The following CPED1 variants were observed in gnomAD, a reference collection of about 807,000 sequenced individuals.
CPED1 encodes cadherin-like and PC-esterase domain-containing protein 1.
Under a neutral mutation model 128.2 loss-of-function variants are expected in CPED1, and 114 were observed. The observed-to-expected ratio is 0.89, with a 90% CI of 0.76 to 1.04. The LOEUF (loss-of-function observed/expected upper bound fraction) is 1.04. Among genes scored for constraint, CPED1 ranks in the 50% least tolerant of loss-of-function variants. The pLI, the probability that CPED1 is intolerant of heterozygous loss-of-function variation, is 0.00. For missense variants in CPED1, 1,211 were observed against 1,207.1 expected (o/e 1.00, Z -0.05); for synonymous variants, 462 against 426.7 (o/e 1.08, Z -1.02).
intron 18 of CPED1, among the ~76,000 whole-genome samples, chr7:121,252,200 A>G (rs1479430291): frequency 1.3e-5 from 2 of 151,562 alleles, no homozygotes; most frequent in African/African-American, 4.9e-5. Flanking sequence ...CCTGACAAAA[A>G]CAAGCAATGG....
rs541458416 is a variant in CPED1 at position 121,169,916 on chromosome 7, G to A, written c.2055+27775G>A. Among the ~76,000 whole-genome samples, 32 of 152,164 alleles carry A rather than the reference G, an allele frequency of 2.1e-4. No homozygotes were observed. In the South Asian group the frequency reaches 6.2e-3, roughly 30 times the overall value. ...CATGGATGGCTCCAATAATGCAAATGGTTTAATCGATGTCTGTGGGAGGAA... is the reference window on the plus strand; with the variant it reads ...CATGGATGGCTCCAATAATGCAAATAGTTTAATCGATGTCTGTGGGAGGAA... On this transcript the variant is annotated intron_variant, in intron 16 of 22. Transcript: ENST00000310396.
At chr7:121,031,839 T>C (rs918506711) in intron 3 of CPED1, among the ~76,000 whole-genome samples, 39 of 152,210 alleles carry the variant, frequency 2.6e-4, no homozygotes, top group Non-Finnish European at 5.0e-4. Context: ...ACTATGTATA[T>C]ATGAATACAC....
At position 121,113,484 on chromosome 7, in the gene CPED1, T is replaced by C. The variant is rs578098711; in HGVS notation, c.919-10847T>C. ...GCTGGGCTTGGAAGAATGAGTAGGG[T>C]TTCTTTAAAAATGAAGAGGGATGTT... On this transcript the variant is annotated intron_variant, in intron 7 of 22. Transcript: ENST00000310396. Among the ~76,000 whole-genome samples, 5 of 152,260 alleles carry C rather than the reference T, an allele frequency of 3.3e-5. No homozygotes were observed. The South Asian group carries it at 8.3e-4, about 25-fold the overall frequency.
chr7:121,090,000 A>AG (rs1206921959), intron 5 of CPED1, among the ~76,000 whole-genome samples: 1 of 152,214 alleles, frequency 6.6e-6, no homozygotes, highest in East Asian at 1.9e-4. Context: ...AGAAAATTGA[A>AG]GTAGTAGTCT....
intron 18 of CPED1, among the ~76,000 whole-genome samples, chr7:121,256,111 C>CAAAAAAAAAAAAAAAAAAAAAAAA (rs1286167648): frequency 5.9e-5 from 2 of 34,148 alleles, no homozygotes; most frequent in African/African-American, 2.2e-4. Context: ...CAATCCTAAG[C>CAAAAAAAAAAAAAAAAAAAAAAAA]AAAAAAAAAA....
chr7:121,160,436 A>G (rs1008998152), intron 16 of CPED1, among the ~76,000 whole-genome samples: 5 of 152,182 alleles, frequency 3.3e-5, no homozygotes, highest in Admixed American at 2.6e-4. Context: ...GTTCATGAAG[A>G]GAGACTATGT....
chr7:121,059,074 C>G (rs1051139506), intron 4 of CPED1, among the ~76,000 whole-genome samples: 2 of 152,106 alleles, frequency 1.3e-5, no homozygotes, highest in Non-Finnish European at 2.9e-5. Context: ...AAAAGTGAAG[C>G]GAGGTCCATT....
chr7:121,264,689 T>A (rs1311380506), intron 18 of CPED1, among the ~76,000 whole-genome samples: 1 of 151,974 alleles, frequency 6.6e-6, no homozygotes, highest in Non-Finnish European at 1.5e-5. Flanking sequence ...ATGATGGCAA[T>A]GCCTGCCATT....
intron 2 of CPED1, among the ~76,000 whole-genome samples, chr7:121,008,583 C>G (rs1792083232): frequency 6.9e-6 from 1 of 143,934 alleles, no homozygotes; most frequent in Non-Finnish European, 1.5e-5. Context: ...TTATAATAGA[C>G]TTACTTTGGA....
chr7:121,260,667 G>GA (rs1306181481), intron 18 of CPED1, among the ~76,000 whole-genome samples: 1 of 151,536 alleles, frequency 6.6e-6, no homozygotes, highest in African/African-American at 2.4e-5. Context: ...ATAGCAATGT[G>GA]AAAGCTCTCC....
chr7:121,183,341 G>T (rs1286738401), intron 16 of CPED1, among the ~76,000 whole-genome samples: 1 of 152,126 alleles, frequency 6.6e-6, no homozygotes, highest in Non-Finnish European at 1.5e-5. Flanking sequence ...TCTAGAGTTG[G>T]TGACAGTTGT....
At position 121,116,039 on chromosome 7, in the gene CPED1, T is replaced by C. The variant is rs575694354; in HGVS notation, c.919-8292T>C. ...TCAAGGGTCCATCATTCAAAGCAAA[T>C]AATTAAATTTTTATTCTATTCACAG... On this transcript the variant is annotated intron_variant, in intron 7 of 22. Coordinates refer to ENST00000310396, the MANE Select transcript of CPED1 (RefSeq NM_024913.5). 3.3e-5 allele frequency among the ~76,000 whole-genome samples: 5 copies of C among 152,270 alleles called. 1 individual carries two copies. Among genetic ancestry groups the C allele is most frequent in the African/African-American group, 1.2e-4 (5 of 41,570 alleles).
chr7:121,179,038 T>C (rs1226998166), intron 16 of CPED1, among the ~76,000 whole-genome samples: 1 of 151,940 alleles, frequency 6.6e-6, no homozygotes, highest in Admixed American at 6.6e-5. Context: ...GTCAGAGATA[T>C]GGGAGGAGAA....
In CPED1 at chr7:121,127,175, T is replaced by C. The variant is rs751938279; in HGVS notation, c.1220T>C (p.Phe407Ser). ...GAAGAATTCCTTTTAAATGACACTT[T>C]CAATTTTCTCTTCCCTAATGAATCA... ...NTEEFLLNDT[F>S]NFLFPNESSL... Residue 407 changes from phenylalanine to serine, a missense_variant, in exon 10 of 23, where the codon TTC becomes TCC. Transcript: ENST00000310396. 1 of 1,592,410 alleles carries C rather than the reference T, an allele frequency of 6.3e-7. No homozygotes were observed. The highest frequency in any genetic ancestry group is 1.7e-5 in the Admixed American group (1 of 59,702).
intron 16 of CPED1, among the ~76,000 whole-genome samples, chr7:121,201,552 G>A (rs1797400262): frequency 1.3e-5 from 2 of 151,794 alleles, no homozygotes; most frequent in Non-Finnish European, 1.5e-5. Context: ...AGGAAGGAAG[G>A]AAGGAGAAAA....
intron 3 of CPED1, among the ~76,000 whole-genome samples, chr7:121,036,482 G>GGT (rs201932126): frequency 0.46 from 59,164 of 127,976 alleles, 13,677 homozygotes; most frequent in South Asian, 0.61. Flanking sequence ...AGTATTCCAT[G>GGT]GTGTGTGTAT....
chr7:121,193,167 C>T (rs927797985), intron 16 of CPED1, among the ~76,000 whole-genome samples: 4 of 152,112 alleles, frequency 2.6e-5, no homozygotes, highest in East Asian at 1.9e-4. Context: ...GAAAAACCTC[C>T]GCTGACTCAG....
chr7:121,203,216 C>A (rs770669758), intron 16 of CPED1, among the ~76,000 whole-genome samples: 1 of 152,062 alleles, frequency 6.6e-6, no homozygotes, highest in Non-Finnish European at 1.5e-5. Context: ...CCTTCTATAC[C>A]TTCACAGATC....
chr7:121,039,292 G>A (rs190067785), intron 3 of CPED1, among the ~76,000 whole-genome samples: 84 of 152,022 alleles, frequency 5.5e-4, no homozygotes, highest in Non-Finnish European at 1.1e-3. Context: ...AGCTCTAATC[G>A]TTGACTTCAG....
Sources: gnomAD v4.1 joint callset for allele counts (sites outside exome capture counted in the v4.1 genomes callset) on GRCh38, gnomAD v4.1.1 for gene constraint, MANE v1.5 for transcripts, NCBI Gene and HGNC (gene_info 2026-07-23, HGNC 2026-07-21) for gene names.